Variants in ZRANB3 observed in about 807,000 individuals in gnomAD.
The protein encoded by ZRANB3 is zinc finger RANBP2-type containing 3, also known as DNA annealing helicase and endonuclease ZRANB3.
A neutral mutation model predicts 133.8 loss-of-function variants in ZRANB3; 125 were observed. That is an observed-to-expected ratio of 0.93 (90% CI 0.81 to 1.08). ZRANB3 has a LOEUF of 1.08. Among genes scored for constraint, ZRANB3 ranks in the 50% least tolerant of loss-of-function variants. ZRANB3 has a pLI of 0.00. For missense variants in ZRANB3, 1,229 were observed against 1,275.5 expected (o/e 0.96, Z 0.56); for synonymous variants, 387 against 432.7 (o/e 0.89, Z 1.31).
At chr2:135,329,641 A>G (rs1019327600) in intron 6 of ZRANB3, among the ~76,000 whole-genome samples, 2 of 152,156 alleles carry the variant, frequency 1.3e-5, no homozygotes, top group African/African-American at 2.4e-5. Context: ...TCTATAAACT[A>G]CCTTGGGCAG....
chr2:135,404,441 TG>T, intron 2 of ZRANB3, among the ~76,000 whole-genome samples: 1 of 152,090 alleles, frequency 6.6e-6, no homozygotes, highest in Middle Eastern at 3.2e-3. Context: ...CCAAGAAATA[TG>T]GGACTATGTG....
intron 2 of ZRANB3, among the ~76,000 whole-genome samples, chr2:135,497,954 G>A (rs1339164400): frequency 1.3e-5 from 2 of 152,030 alleles, no homozygotes; most frequent in African/African-American, 4.8e-5. Flanking sequence ...TCAGGAGGCT[G>A]AGGCAGGAGA....
At chr2:135,330,448 T>TCG (rs1263466398) in intron 6 of ZRANB3, among the ~76,000 whole-genome samples, 2 of 151,864 alleles carry the variant, frequency 1.3e-5, no homozygotes, top group African/African-American at 4.8e-5. Context: ...GCTGCTGGAT[T>TCG]GTTTGCCAGT....
At chr2:135,303,970 T>C (rs1278786369) in intron 8 of ZRANB3, among the ~76,000 whole-genome samples, 1 of 152,236 alleles carries the variant, frequency 6.6e-6, no homozygotes, top group Non-Finnish European at 1.5e-5. Context: ...ACGATTTTTA[T>C]ATGTTGAACA....
intron 2 of ZRANB3, among the ~76,000 whole-genome samples, chr2:135,484,746 A>G (rs1692012816): frequency 6.6e-6 from 1 of 150,730 alleles, no homozygotes; most frequent in Admixed American, 6.6e-5. Context: ...TATTTAATAA[A>G]TATTTTAAAT....
At position 135,271,887 on chromosome 2, in the gene ZRANB3, T is replaced by C. The variant is rs151301223; in HGVS notation, c.1087A>G (p.Thr363Ala). ...ACTEAVIENK[T>A]RYIRIDGSVS... ...CTTCCATCTATCCTAATGTAACGAGTCTAGCATCAACAAGGAAAACGGCAA... is the reference window on the plus strand; with the variant it reads ...CTTCCATCTATCCTAATGTAACGAGCCTAGCATCAACAAGGAAAACGGCAA... The change falls in exon 10 of 21, where the codon ACT (threonine) becomes GCT (alanine). Residue 363 changes from threonine to alanine, a missense_variant and splice_region_variant. Transcript: ENST00000264159. 57 of 1,609,390 alleles carry C rather than the reference T, an allele frequency of 3.5e-5. No homozygotes were observed. The East Asian group carries it at 1.0e-3, about 29-fold the overall frequency.
At chr2:135,454,874 T>C (rs1574129862) in intron 2 of ZRANB3, among the ~76,000 whole-genome samples, 1 of 152,196 alleles carries the variant, frequency 6.6e-6, no homozygotes, top group African/African-American at 2.4e-5. Flanking sequence ...ATCTTTGTAA[T>C]TGTGAATTGT....
At chr2:135,484,477 A>G (rs765297008) in intron 2 of ZRANB3, among the ~76,000 whole-genome samples, 2 of 152,098 alleles carry the variant, frequency 1.3e-5, no homozygotes, top group Non-Finnish European at 2.9e-5. Flanking sequence ...TATTCACAAT[A>G]TACATATCCA....
intron 2 of ZRANB3, among the ~76,000 whole-genome samples, chr2:135,434,734 C>T (rs1418023313): frequency 1.3e-5 from 2 of 152,146 alleles, no homozygotes; most frequent in Non-Finnish European, 2.9e-5. Context: ...CCAAACTGTT[C>T]AGAAGATAAG....
At chr2:135,426,887 T>C (rs1385155594) in intron 2 of ZRANB3, among the ~76,000 whole-genome samples, 6 of 53,892 alleles carry the variant, frequency 1.1e-4, no homozygotes, top group African/African-American at 5.1e-4. Context: ...TATATATATA[T>C]ATATATATAT....
At chr2:135,265,977 A>AG (rs1247914110) in intron 11 of ZRANB3, among the ~76,000 whole-genome samples, 2 of 152,156 alleles carry the variant, frequency 1.3e-5, no homozygotes, top group East Asian at 3.9e-4. Context: ...TGGGAGGCCA[A>AG]GGGGGGCGAT....
chr2:135,265,549 T>C lies in ZRANB3; in HGVS notation c.1524A>G (p.Glu508=). 6.2e-7 allele frequency: 1 copy of C among 1,612,940 alleles called. No homozygotes were observed. The highest frequency in any genetic ancestry group is 1.1e-5 in the South Asian group (1 of 90,748). ...PNDSSEELRK[E]ALFTHFEKEK... ...ATAATCTTACGTGAGTGAACAAAGCTTCCTTCCTTAACTCTTCAGAACTGT... is the reference window on the plus strand; with the variant it reads ...ATAATCTTACGTGAGTGAACAAAGCCTCCTTCCTTAACTCTTCAGAACTGT... Residue 508 remains glutamate, a synonymous_variant, in exon 12 of 21, where the codon GAA becomes GAG. Coordinates refer to ENST00000264159, the MANE Select transcript of ZRANB3 (RefSeq NM_032143.4).
At chr2:135,401,515 C>T (rs1020898430) in intron 2 of ZRANB3, among the ~76,000 whole-genome samples, 1 of 152,204 alleles carries the variant, frequency 6.6e-6, no homozygotes, top group Non-Finnish European at 1.5e-5. Flanking sequence ...AACTAAACCT[C>T]TCCTTTTCCA....
intron 2 of ZRANB3, among the ~76,000 whole-genome samples, chr2:135,395,768 T>C (rs2104932288): frequency 6.6e-6 from 1 of 152,240 alleles, no homozygotes; most frequent in Middle Eastern, 3.4e-3. Context: ...GGGCAAAGAT[T>C]TCTTGAGTAA....
At chr2:135,355,533 T>A (rs1442874658) in intron 3 of ZRANB3, among the ~76,000 whole-genome samples, 2 of 152,054 alleles carry the variant, frequency 1.3e-5, no homozygotes, top group Non-Finnish European at 2.9e-5. Flanking sequence ...AATTTTATAT[T>A]TTTAGCAGAG....
chr2:135,245,987 C>A (rs1226882114), intron 12 of ZRANB3, among the ~76,000 whole-genome samples: 2 of 136,550 alleles, frequency 1.5e-5, no homozygotes. Context: ...TGAAGGTGGA[C>A]TTGTGGTTTG....
chr2:135,246,803 A>G (rs1695822371), intron 12 of ZRANB3, among the ~76,000 whole-genome samples: 1 of 152,252 alleles, frequency 6.6e-6, no homozygotes, highest in Admixed American at 6.5e-5. Flanking sequence ...TACAAACTGC[A>G]AAATGCTTAA....
In ZRANB3 at chr2:135,350,107, C is replaced by T; in HGVS notation, c.468G>A (p.Val156=). The part of the protein sequence containing the change: ...LNNQNFKVVI[V]DESHYMKSRN... ...TGGATTTCATGTAGTGTGATTCATC[C>T]ACTATAACTACTTTGAAGTTCTGAT... is the stretch of plus-strand genomic sequence containing the variant. The change falls in exon 5 of 21, where the codon GTG becomes GTA. Residue 156 remains valine (V), a synonymous_variant. Transcript: ENST00000264159. The T allele has an allele frequency of 6.2e-7, 1 of 1,613,754 alleles. No individual in the cohort carries two copies. Among genetic ancestry groups the T allele is most frequent in the Non-Finnish European group, 8.5e-7 (1 of 1,179,840 alleles).
In ZRANB3 at chr2:135,484,714, A is replaced by G. The variant is rs1473032855; in HGVS notation, c.161+19615T>C. ...GGTTTTTAAATATTTAATAAATATT[A>G]ATAAAATAAAATTAATTAAAATATT... is the stretch of plus-strand genomic sequence containing the variant. On this transcript the variant is annotated intron_variant, in intron 2 of 20. Coordinates refer to ENST00000264159, the MANE Select transcript of ZRANB3 (RefSeq NM_032143.4). Among the ~76,000 whole-genome samples, 3 of 150,204 alleles carry G rather than the reference A, an allele frequency of 2.0e-5. No individual in the cohort carries two copies. The East Asian group carries it at 5.8e-4, about 29-fold the overall frequency.
Sources: gnomAD v4.1 joint callset for allele counts (sites outside exome capture counted in the v4.1 genomes callset) on GRCh38, gnomAD v4.1.1 for gene constraint, MANE v1.5 for transcripts, NCBI Gene and HGNC (gene_info 2026-07-23, HGNC 2026-07-21) for gene names.